Variants in ALDH7A1 observed in about 807,000 individuals in gnomAD.
The protein encoded by ALDH7A1 is aldehyde dehydrogenase 7 family member A1, also known as alpha-aminoadipic semialdehyde dehydrogenase.
A neutral mutation model predicts 79.9 loss-of-function variants in ALDH7A1; 63 were observed. The ratio of observed to expected loss-of-function variants is 0.79; its 90% CI spans 0.64 to 0.97. The LOEUF (loss-of-function observed/expected upper bound fraction) is 0.97, where lower values mean the gene tolerates loss of function less well. Ranked by LOEUF, ALDH7A1 falls within the 50% of genes least tolerant of loss-of-function variation. The pLI is 0.00. For missense variants in ALDH7A1, 627 were observed against 665.2 expected (o/e 0.94, Z 0.63); for synonymous variants, 240 against 231.2 (o/e 1.04, Z -0.34).
chr5:126,570,680 C>G (rs536240243), intron 8 of ALDH7A1, 102 bp downstream of exon 8: 2 of 1,146,168 alleles, frequency 1.7e-6, no homozygotes, highest in African/African-American at 3.0e-5. Flanking sequence ...AAACCATTCT[C>G]AACTCCTTAG....
At chr5:126,584,414 C>T in intron 3 of ALDH7A1, 1 of 241,090 alleles carries the variant, frequency 4.1e-6, no homozygotes, top group South Asian at 5.3e-5. Context: ...GTAATCCCAA[C>T]ACTTTGGGAG....
At chr5:126,566,177 A>C (rs1369658596) in intron 9 of ALDH7A1, among the ~76,000 whole-genome samples, 2 of 152,206 alleles carry the variant, frequency 1.3e-5, no homozygotes, top group East Asian at 3.8e-4. Context: ...ACCATATTGA[A>C]ACCTTAACAA....
chr5:126,582,637 C>A, intron 5 of ALDH7A1: 1 of 586,358 alleles, frequency 1.7e-6, no homozygotes, highest in South Asian at 2.1e-5. Flanking sequence ...CGTGGACTTG[C>A]CAACATTAAG....
chr5:126,554,727 C>T, intron 12 of ALDH7A1: 1 of 372,416 alleles, frequency 2.7e-6, no homozygotes, highest in Non-Finnish European at 5.2e-6. Context: ...AAAGGAATGG[C>T]TATCAATTAC....
chr5:126,566,037 T>G (rs551293015), intron 9 of ALDH7A1, among the ~76,000 whole-genome samples: 1 of 152,250 alleles, frequency 6.6e-6, no homozygotes, highest in South Asian at 2.1e-4. Context: ...ATTATCTTCT[T>G]TTTCAAGATT....
At position 126,568,244 on chromosome 5, in the gene ALDH7A1, A is replaced by C. The variant is rs1381433334; in HGVS notation, c.871+15T>G. ...TTGAGAGAATTAAAATCCTCATTAGAAAGCCAACACTTACCAAACCTCTCC... is the reference window on the plus strand; with the variant it reads ...TTGAGAGAATTAAAATCCTCATTAGCAAGCCAACACTTACCAAACCTCTCC... On this transcript the variant is annotated intron_variant, in intron 9 of 17. Coordinates refer to ENST00000409134, the MANE Select transcript of ALDH7A1 (RefSeq NM_001182.5). 6 of 1,613,158 alleles carry C rather than the reference A, an allele frequency of 3.7e-6. No homozygotes were observed. The highest frequency in any genetic ancestry group is 5.1e-6 in the Non-Finnish European group (6 of 1,179,190).
chr5:126,592,529 A>G, intron 3 of ALDH7A1, 135 bp downstream of exon 3: 1 of 844,612 alleles, frequency 1.2e-6, no homozygotes, highest in South Asian at 1.5e-5. Context: ...GAGCCCTAGT[A>G]CAGTATCACA....
intron 15 of ALDH7A1, 44 bp from the exon 16 acceptor site, chr5:126,550,046 TA>T (rs761239509): frequency 6.3e-7 from 1 of 1,594,510 alleles, no homozygotes; most frequent in Non-Finnish European, 8.6e-7. Flanking sequence ...AACAGGAAAT[TA>T]AAAACAAACA....
In ALDH7A1 at chr5:126,577,627, G is replaced by A. The variant is rs563244864; in HGVS notation, c.518-416C>T. 7.9e-5 allele frequency among the ~76,000 whole-genome samples: 12 copies of A among 152,208 alleles called. No individual in the cohort carries two copies. The East Asian group carries it at 1.9e-3, about 25-fold the overall frequency. ...CTGTCACCCAGGCTGGAGTGGAGTG[G>A]CGCAATCTCAGCTCACTGCAACTGC... On this transcript the variant is annotated intron_variant, in intron 5 of 17. Transcript: ENST00000409134.
chr5:126,568,354 G>A lies in ALDH7A1; in HGVS notation c.776C>T (p.Thr259Ile). 6.2e-7 allele frequency: 1 copy of A among 1,613,982 alleles called. No individual in the cohort carries two copies. Among genetic ancestry groups the A allele is most frequent in the Non-Finnish European group, 8.5e-7 (1 of 1,179,886 alleles). Residue 259 changes from threonine (T) to isoleucine (I), a missense_variant and splice_region_variant, in exon 9 of 18, where the codon ACA (threonine) becomes ATA (isoleucine). Coordinates refer to ENST00000409134, the MANE Select transcript of ALDH7A1 (RefSeq NM_001182.5). ...SLTCGGADIG[T>I]AMAKDERVNL... ...CACTCGTTCATCTTTGGCCATTGCT[G>A]TGCTGCAAGGGAACAGACACGGTCG... is the stretch of plus-strand genomic sequence containing the variant.
intron 8 of ALDH7A1, chr5:126,569,879 G>A (rs1045631547): frequency 3.3e-5 from 5 of 152,146 alleles, no homozygotes; most frequent in African/African-American, 1.2e-4. Flanking sequence ...TGGAAGGCAA[G>A]GAAACTAACA....
At chr5:126,568,456 C>T in intron 8 of ALDH7A1, 100 bp from the exon 9 acceptor site, 1 of 997,332 alleles carries the variant, frequency 1.0e-6, no homozygotes. Flanking sequence ...AAAAGCAGTC[C>T]CTTGAAGCTA....
chr5:126,589,961 G>C (rs1202979159), intron 3 of ALDH7A1, among the ~76,000 whole-genome samples: 2 of 133,730 alleles, frequency 1.5e-5, no homozygotes, highest in Non-Finnish European at 3.1e-5. Context: ...CCCAGCTGCT[G>C]CCCCATCTGG....
intron 14 of ALDH7A1, among the ~76,000 whole-genome samples, chr5:126,551,407 T>C (rs1749992622): frequency 6.6e-6 from 1 of 151,920 alleles, no homozygotes; most frequent in African/African-American, 2.4e-5. Flanking sequence ...CTCAGCCTCC[T>C]GGGTTCAAGT....
rs952269611 is a variant in ALDH7A1 at position 126,542,793 on chromosome 5, T to C, written c.*2172A>G. The C allele has an allele frequency of 2.6e-5, 4 of 152,222 alleles. No homozygotes were observed. Among genetic ancestry groups the C allele is most frequent in the Non-Finnish European group, 1.5e-5 (1 of 68,044 alleles). The allele number at this position is 152,222 out of a possible 1,614,324, so 9.4% of individuals were successfully genotyped here. A position where few individuals can be genotyped will look rare whatever the true frequency, so the allele number is the denominator to read the frequency against. The stretch of plus-strand genomic sequence containing the variant: ...CTTTGAGAAAACTGCCTTCCCTCCA[T>C]TGTGAGAAGTCTTCACCTGGAGGGC... On this transcript the variant is annotated 3_prime_UTR_variant, in exon 18 of 18. Coordinates refer to ENST00000409134, the MANE Select transcript of ALDH7A1 (RefSeq NM_001182.5).
In ALDH7A1 at chr5:126,556,239, C is replaced by CTT. The variant is rs35367836; in HGVS notation, c.1009-226_1009-225dup. Among the ~76,000 whole-genome samples, 18,229 of 97,342 alleles carry CTT rather than the reference C, an allele frequency of 0.19. 2,949 individuals carry two copies. Among genetic ancestry groups the CTT allele is most frequent in the Non-Finnish European group, 0.22 (11,279 of 51,318 alleles). 63.9% of individuals were successfully genotyped at this position (97,342 alleles called of 152,430 possible). A position where few individuals can be genotyped will look rare whatever the true frequency, so the allele number is the denominator to read the frequency against. ...AATAGAATAAAATCATAAGCCATGT[C>CTT]TTTTTTTTTTTTTTTTTTTTTGAGA... On this transcript the variant is annotated intron_variant, in intron 11 of 17. Coordinates refer to ENST00000409134, the MANE Select transcript of ALDH7A1 (RefSeq NM_001182.5).
chr5:126,545,365 C>A lies in ALDH7A1; in HGVS notation c.1566-346G>T, dbSNP rs538575172. On this transcript the variant is annotated intron_variant, in intron 17 of 17. Coordinates refer to ENST00000409134, the MANE Select transcript of ALDH7A1 (RefSeq NM_001182.5). ...TCTCAGCTCACTGCAACCTCCGCCTCCCAGGCTCAAGCGATTCTCCTGCCT... is the reference window on the plus strand; with the variant it reads ...TCTCAGCTCACTGCAACCTCCGCCTACCAGGCTCAAGCGATTCTCCTGCCT... 3.9e-5 allele frequency among the ~76,000 whole-genome samples: 6 copies of A among 152,074 alleles called. No individual in the cohort carries two copies. The East Asian group carries it at 1.2e-3, about 30-fold the overall frequency.
intron 1 of ALDH7A1, among the ~76,000 whole-genome samples, chr5:126,594,601 C>T (rs1751675749): frequency 6.6e-6 from 1 of 151,836 alleles, no homozygotes; most frequent in Non-Finnish European, 1.5e-5. Context: ...TGCGCCACCA[C>T]GCCCGGCTAT....
intron 11 of ALDH7A1, among the ~76,000 whole-genome samples, chr5:126,558,674 C>T (rs1750290103): frequency 6.6e-6 from 1 of 151,978 alleles, no homozygotes; most frequent in Admixed American, 6.6e-5. Context: ...CAAGCATGAG[C>T]CATCATGCCT....
Sources: gnomAD v4.1 joint callset for allele counts (sites outside exome capture counted in the v4.1 genomes callset) on GRCh38, gnomAD v4.1.1 for gene constraint, MANE v1.5 for transcripts, NCBI Gene and HGNC (gene_info 2026-07-23, HGNC 2026-07-21) for gene names.